The following CNBD1 variants were observed in gnomAD, a reference collection of about 807,000 sequenced individuals.
CNBD1 encodes the protein cyclic nucleotide binding domain containing 1.
In CNBD1, 71 loss-of-function variants were observed where a neutral mutation model predicts 54.4. That is an observed-to-expected ratio of 1.30 (90% confidence interval 1.08 to 1.59). The LOEUF (loss-of-function observed/expected upper bound fraction) is 1.59, where lower values mean the gene tolerates loss of function less well. CNBD1 is among the 40% of genes most tolerant of loss of function. The pLI is 0.00. For synonymous variants in CNBD1, 182 were observed against 170.7 expected (o/e 1.07, Z -0.51); for missense variants, 659 against 518.0 (o/e 1.27, Z -2.64).
intron 4 of CNBD1, among the ~76,000 whole-genome samples, chr8:87,152,439 TAAA>T (rs5893013): frequency 3.6e-5 from 5 of 138,212 alleles, no homozygotes; most frequent in Admixed American, 7.3e-5. Context: ...GCTGATGAGC[TAAA>T]AAAAAAAAAA....
At chr8:86,900,800 C>CT (rs1369962325) in intron 2 of CNBD1, among the ~76,000 whole-genome samples, 2 of 152,086 alleles carry the variant, frequency 1.3e-5, no homozygotes, top group African/African-American at 4.8e-5. Flanking sequence ...GGAAGTAAAC[C>CT]TTTTATGACT....
At chr8:87,128,178 T>G (rs976414689) in intron 4 of CNBD1, among the ~76,000 whole-genome samples, 7 of 152,210 alleles carry the variant, frequency 4.6e-5, no homozygotes, top group Non-Finnish European at 8.8e-5. Flanking sequence ...CAAGTATGTG[T>G]GTGACCTGAT....
At chr8:86,999,015 G>T (rs1034668530) in intron 4 of CNBD1, among the ~76,000 whole-genome samples, 4 of 152,134 alleles carry the variant, frequency 2.6e-5, no homozygotes, top group Admixed American at 1.3e-4. Flanking sequence ...TGTGGACTTT[G>T]GTCAATTGTA....
At chr8:87,285,450 G>C (rs1330768318) in intron 7 of CNBD1, among the ~76,000 whole-genome samples, 1 of 152,090 alleles carries the variant, frequency 6.6e-6, no homozygotes, top group East Asian at 1.9e-4. Flanking sequence ...TAAATAATGA[G>C]ATTGAGGCTA....
At position 87,372,241 on chromosome 8, in the gene CNBD1, G is replaced by T. The variant is rs1211222593; in HGVS notation, c.1304-10379G>T. ...CATGAGTGAACTCCCGTTCATAATTGCTTCAAAGAGAAAAAAATACCTAGT... is the reference window on the plus strand; with the variant it reads ...CATGAGTGAACTCCCGTTCATAATTTCTTCAAAGAGAAAAAAATACCTAGT... On this transcript the variant is annotated intron_variant, in intron 10 of 10. Coordinates refer to ENST00000518476, the MANE Select transcript of CNBD1 (RefSeq NM_173538.3). 5.3e-5 allele frequency among the ~76,000 whole-genome samples: 8 copies of T among 152,064 alleles called. No individual in the cohort carries two copies. The East Asian group carries it at 1.4e-3, about 26-fold the overall frequency.
intron 1 of CNBD1, among the ~76,000 whole-genome samples, chr8:86,878,466 G>T (rs1487256460): frequency 6.7e-6 from 1 of 148,536 alleles, no homozygotes; most frequent in Admixed American, 6.8e-5. Context: ...AATTCCAAAG[G>T]TTCTGTGTAG....
intron 2 of CNBD1, among the ~76,000 whole-genome samples, chr8:87,412,059 G>C (rs1807755779): frequency 6.6e-6 from 1 of 151,708 alleles, no homozygotes; most frequent in Non-Finnish European, 1.5e-5. Context: ...TTGATAATCA[G>C]GAATTACTTA....
At chr8:87,125,985 T>A (rs1457984231) in intron 4 of CNBD1, among the ~76,000 whole-genome samples, 5 of 151,898 alleles carry the variant, frequency 3.3e-5, no homozygotes, top group African/African-American at 1.2e-4. Flanking sequence ...GATTTATATA[T>A]GTTGCTGCAT....
chr8:87,280,712 T>C (rs1474618939), intron 6 of CNBD1, among the ~76,000 whole-genome samples: 1 of 151,558 alleles, frequency 6.6e-6, no homozygotes, highest in African/African-American at 2.4e-5. Flanking sequence ...AGAACAAATC[T>C]CAACATTATG....
chr8:86,903,061 G>T (rs564276762), intron 2 of CNBD1, among the ~76,000 whole-genome samples: 4 of 152,046 alleles, frequency 2.6e-5, no homozygotes, highest in Admixed American at 6.6e-5. Flanking sequence ...GCCATTTAGG[G>T]GCTCAATCTG....
intron 5 of CNBD1, among the ~76,000 whole-genome samples, chr8:87,219,818 G>A (rs918596447): frequency 2.6e-5 from 4 of 151,864 alleles, no homozygotes; most frequent in Non-Finnish European, 5.9e-5. Context: ...AATCACTTAC[G>A]GGAATAATAA....
intron 4 of CNBD1, among the ~76,000 whole-genome samples, chr8:87,142,646 GTCTC>G (rs1032988054): frequency 9.2e-5 from 14 of 152,132 alleles, no homozygotes; most frequent in Non-Finnish European, 1.9e-4. Flanking sequence ...TGTACATTGT[GTCTC>G]TCTCCTACAT....
chr8:86,951,379 A>G (rs1213072474), intron 4 of CNBD1, among the ~76,000 whole-genome samples: 1 of 151,774 alleles, frequency 6.6e-6, no homozygotes, highest in Non-Finnish European at 1.5e-5. Context: ...ACCTGAGGTT[A>G]GGAGCTTAAG....
chr8:87,325,628 C>T (rs1809650619), intron 8 of CNBD1, among the ~76,000 whole-genome samples: 1 of 135,580 alleles, frequency 7.4e-6, no homozygotes, highest in South Asian at 2.3e-4. Flanking sequence ...ATTGCAACCC[C>T]TGCCTTTTTT....
At chr8:87,424,025 A>C (rs1223197734) in intron 2 of CNBD1, among the ~76,000 whole-genome samples, 1 of 152,166 alleles carries the variant, frequency 6.6e-6, no homozygotes, top group Non-Finnish European at 1.5e-5. Flanking sequence ...GTGTCAAGGA[A>C]TTTATCCATT....
At chr8:86,927,164 G>T (rs1272803206) in intron 3 of CNBD1, among the ~76,000 whole-genome samples, 2 of 152,160 alleles carry the variant, frequency 1.3e-5, no homozygotes, top group African/African-American at 4.8e-5. Context: ...ACTTGCCAAG[G>T]TAGCTCTGGT....
chr8:87,043,069 C>T (rs78234733), intron 4 of CNBD1, among the ~76,000 whole-genome samples: 1,885 of 152,318 alleles, frequency 0.012, 41 homozygotes, highest in African/African-American at 0.043. Context: ...TGTTGCAATG[C>T]TGCAACAGGC....
intron 3 of CNBD1, among the ~76,000 whole-genome samples, chr8:86,938,325 G>C (rs1265121278): frequency 1.3e-5 from 2 of 152,042 alleles, no homozygotes; most frequent in East Asian, 1.9e-4. Context: ...GTCTTCTTCT[G>C]AGCCTTCCAA....
intron 4 of CNBD1, among the ~76,000 whole-genome samples, chr8:87,194,237 AAAG>A (rs926842022): frequency 3.9e-5 from 6 of 152,316 alleles, no homozygotes; most frequent in African/African-American, 1.4e-4. Context: ...TCTTGTTTTG[AAAG>A]AAGAAGAAAC....
Sources: allele counts gnomAD v4.1 joint callset (sites outside exome capture counted in the v4.1 genomes callset), GRCh38; gene constraint gnomAD v4.1.1; transcripts MANE v1.5; gene names NCBI Gene and HGNC (gene_info 2026-07-23, HGNC 2026-07-21).